SATB2: variants seen among roughly 807,000 people sequenced by gnomAD.
SATB2 encodes SATB homeobox 2.
A neutral mutation model predicts 73.4 loss-of-function variants in SATB2; 1 was observed. The ratio of observed to expected loss-of-function variants is 0.01; its 90% CI spans 0.00 to 0.06. The LOEUF (loss-of-function observed/expected upper bound fraction) is 0.06, where lower values mean the gene tolerates loss of function less well. Among genes scored for constraint, SATB2 ranks in the 10% least tolerant of loss-of-function variants. SATB2 has a pLI of 1.00. For synonymous variants in SATB2, 397 were observed against 367.0 expected (o/e 1.08, Z -0.93); for missense variants, 459 against 945.8 (o/e 0.49, Z 6.75).
intron 6 of SATB2, among the ~76,000 whole-genome samples, chr2:199,356,759 T>C (rs1688996346): frequency 6.6e-6 from 1 of 152,114 alleles, no homozygotes; most frequent in Non-Finnish European, 1.5e-5. Flanking sequence ...GGATTTTCTT[T>C]AGAAAAAATA....
chr2:199,333,139 T>C (rs1688236384), intron 7 of SATB2, among the ~76,000 whole-genome samples: 1 of 151,750 alleles, frequency 6.6e-6, no homozygotes, highest in South Asian at 2.1e-4. Flanking sequence ...AACCCCCAAA[T>C]TCAATATACC....
At chr2:199,370,946 CAAAAAA>C (rs67348909) in intron 5 of SATB2, among the ~76,000 whole-genome samples, 8 of 69,568 alleles carry the variant, frequency 1.1e-4, no homozygotes, top group African/African-American at 4.1e-4. Context: ...ATGAACTGAG[CAAAAAA>C]AAAAAAAAAA....
chr2:199,387,399 G>A (rs1323825352), intron 3 of SATB2, among the ~76,000 whole-genome samples: 1 of 152,224 alleles, frequency 6.6e-6, no homozygotes, highest in Non-Finnish European at 1.5e-5. Flanking sequence ...AGACCAATGA[G>A]CAAACAGGTG....
intron 9 of SATB2, among the ~76,000 whole-genome samples, chr2:199,323,508 C>CACACACACACACACATATAT (rs372830951): frequency 1.4e-5 from 2 of 144,250 alleles, no homozygotes; most frequent in African/African-American, 2.6e-5. Context: ...CACACACACA[C>CACACACACACACACATATAT]ATATATAAAG....
intron 8 of SATB2, among the ~76,000 whole-genome samples, chr2:199,328,168 A>C (rs1300563881): frequency 6.6e-6 from 1 of 152,152 alleles, no homozygotes; most frequent in African/African-American, 2.4e-5. Flanking sequence ...GGGACTTCCT[A>C]AAGGGACAGA....
At chr2:199,416,249 A>G (rs1340600029) in intron 3 of SATB2, among the ~76,000 whole-genome samples, 1 of 152,232 alleles carries the variant, frequency 6.6e-6, no homozygotes, top group Non-Finnish European at 1.5e-5. Flanking sequence ...TTAAAAATAT[A>G]CAATTTTGAA....
intron 3 of SATB2, chr2:199,423,777 T>C (rs1691244911): frequency 6.6e-6 from 1 of 152,198 alleles, no homozygotes; most frequent in African/African-American, 2.4e-5. Flanking sequence ...GCTGCCCTCT[T>C]AGCTCAGCTC....
intron 7 of SATB2, among the ~76,000 whole-genome samples, chr2:199,339,971 G>C (rs1688456120): frequency 6.6e-6 from 1 of 152,092 alleles, no homozygotes; most frequent in African/African-American, 2.4e-5. Flanking sequence ...AGTAAGTCCT[G>C]AGTCATTTTT....
intron 2 of SATB2, among the ~76,000 whole-genome samples, chr2:199,435,958 C>T (rs1221910500): frequency 6.6e-6 from 1 of 152,124 alleles, no homozygotes; most frequent in Admixed American, 6.5e-5. Flanking sequence ...AGCATATGCA[C>T]ACATAAGGCC....
chr2:199,377,364 C>T (rs1013578090), intron 5 of SATB2, among the ~76,000 whole-genome samples: 3 of 151,908 alleles, frequency 2.0e-5, no homozygotes, highest in Admixed American at 6.6e-5. Context: ...GGTGACAGAG[C>T]GAAATTCTGT....
At chr2:199,358,200 C>A (rs1343398145) in intron 6 of SATB2, among the ~76,000 whole-genome samples, 1 of 152,024 alleles carries the variant, frequency 6.6e-6, no homozygotes, top group Non-Finnish European at 1.5e-5. Flanking sequence ...GAATAGCATC[C>A]CGTCTGCCAA....
chr2:199,343,568 C>G (rs1366877622), intron 7 of SATB2, among the ~76,000 whole-genome samples: 2 of 152,160 alleles, frequency 1.3e-5, no homozygotes, highest in African/African-American at 4.8e-5. Flanking sequence ...ACAGTACATA[C>G]AGCAAAAAAC....
At chr2:199,307,767 G>A (rs1687477028) in intron 10 of SATB2, among the ~76,000 whole-genome samples, 1 of 152,166 alleles carries the variant, frequency 6.6e-6, no homozygotes, top group Admixed American at 6.5e-5. Context: ...AGGGAAAGGA[G>A]ACAGAAACCT....
intron 3 of SATB2, among the ~76,000 whole-genome samples, chr2:199,405,673 C>T (rs1479083812): frequency 2.6e-5 from 4 of 152,054 alleles, no homozygotes; most frequent in Non-Finnish European, 5.9e-5. Context: ...TCTGAACCTT[C>T]ACACATATAA....
upstream of SATB2, among the ~76,000 whole-genome samples, chr2:199,467,905 C>T (rs1025620905): frequency 1.3e-5 from 2 of 152,138 alleles, no homozygotes; most frequent in African/African-American, 2.4e-5. Flanking sequence ...GAAACCCCTG[C>T]GATTCTGGCC....
intron 3 of SATB2, among the ~76,000 whole-genome samples, chr2:199,383,585 G>A (rs1413597343): frequency 1.3e-5 from 2 of 152,146 alleles, no homozygotes; most frequent in Non-Finnish European, 2.9e-5. Context: ...ATATATGACA[G>A]AATGGGGGGG....
chr2:199,456,975 T>TGG (rs71397724), intron 1 of SATB2, among the ~76,000 whole-genome samples: 3,653 of 123,754 alleles, frequency 0.03, 73 homozygotes, highest in South Asian at 0.063. Flanking sequence ...ATTGGGGGGG[T>TGG]GGGGGGGGGC....
intron 9 of SATB2, among the ~76,000 whole-genome samples, chr2:199,312,150 T>G: frequency 6.6e-6 from 1 of 152,216 alleles, no homozygotes; most frequent in Non-Finnish European, 1.5e-5. Flanking sequence ...CATGAATTAT[T>G]AATAAACAAA....
Position 199,269,928 on chromosome 2 carries a change from T to C in SATB2, c.*2283A>G, listed in dbSNP as rs1413892308. On this transcript the variant is annotated 3_prime_UTR_variant, in exon 11 of 11. Coordinates refer to ENST00000417098, the MANE Select transcript of SATB2 (RefSeq NM_001172509.2). ...AAAGGCAAGACTTAGCATTGAAAAA[T>C]ACCTAATAAATTTTTGGTTGAAGTG... 6.5e-6 allele frequency: 1 copy of C among 152,672 alleles called. No individual in the cohort carries two copies. Among genetic ancestry groups the C allele is most frequent in the Non-Finnish European group, 1.5e-5 (1 of 68,010 alleles). 9.5% of individuals were successfully genotyped at this position (152,672 alleles called of 1,614,324 possible). A position where few individuals can be genotyped will look rare whatever the true frequency, so the allele number is the denominator to read the frequency against.
Sources: allele counts gnomAD v4.1 joint callset (sites outside exome capture counted in the v4.1 genomes callset), GRCh38; gene constraint gnomAD v4.1.1; transcripts MANE v1.5; gene names NCBI Gene and HGNC (gene_info 2026-07-23, HGNC 2026-07-21).